The following HSD17B10 variants were observed in gnomAD, a reference collection of about 807,000 sequenced individuals.
HSD17B10 encodes hydroxysteroid 17-beta dehydrogenase 10.
For synonymous variants in HSD17B10, 90 were observed against 85.9 expected (o/e 1.05, Z -0.26); for missense variants, 87 against 219.4 (o/e 0.40, Z 3.81).
chrX:53,432,325 G>A lies in HSD17B10; in HGVS notation c.279C>T (p.Gly93=), dbSNP rs1556894661. 7 of 1,208,193 alleles carry A rather than the reference G, an allele frequency of 5.8e-6. No individual in the cohort carries two copies. The highest frequency in any genetic ancestry group is 3.5e-5 in the African/African-American group (2 of 57,104). The change falls in exon 3 of 6, where the codon GGC becomes GGT. Residue 93 remains glycine (G), a synonymous_variant. Transcript: ENST00000168216. ...GRVDVAVNCA[G]IAVASKTYNL... The stretch of plus-strand genomic sequence containing the variant: ...TGTACGTCTTGCTAGCCACCGCGAT[G>A]CCTGCACAGTTGACAGCTACATCCA...
chrX:53,434,237 C>T, intron 1 of HSD17B10, 82 bp downstream of exon 1: 1 of 1,069,680 alleles, frequency 9.3e-7, no homozygotes, highest in Non-Finnish European at 1.3e-6. Flanking sequence ...TCCCTCGAAA[C>T]CGATCTCTTT....
Position 53,431,979 on chromosome X carries a change from C to T in HSD17B10, c.486+9G>A, listed in dbSNP as rs190913381. ...TTAGGAGGCATAAGTCTTACCCCTG[C>T]CCACACACCTGACCCTCGAAGGCAG... On this transcript the variant is annotated intron_variant, in intron 4 of 5. Coordinates refer to ENST00000168216, the MANE Select transcript of HSD17B10 (RefSeq NM_004493.3). 15 of 1,209,512 alleles carry T rather than the reference C, an allele frequency of 1.2e-5. No homozygotes were observed. The African/African-American group carries it at 1.8e-4, about 14-fold the overall frequency.
intron 1 of HSD17B10, 112 bp from the exon 2 acceptor site, chrX:53,433,998 T>C (rs1366177260): frequency 2.3e-6 from 2 of 869,984 alleles, no homozygotes; most frequent in Non-Finnish European, 3.3e-6. Flanking sequence ...GGAGAGGTCG[T>C]GGTCACCCCT....
chrX:53,432,688 A>G (rs949286033), intron 2 of HSD17B10: 25 of 336,097 alleles, frequency 7.4e-5, no homozygotes, highest in Non-Finnish European at 1.2e-4. Flanking sequence ...CGTCTCTACT[A>G]AAAATACAAA....
chrX:53,434,312 C>T lies in HSD17B10; in HGVS notation c.27+7G>A, dbSNP rs941613640. ...AAGGCAAGCAACAGAGGCAAAGAAC[C>T]TTCTACCTTCACGCTCCGACACGCT... is the stretch of plus-strand genomic sequence containing the variant. On this transcript the variant is annotated splice_region_variant and intron_variant, in intron 1 of 5. Transcript: ENST00000168216. The T allele has an allele frequency of 9.4e-6, 11 of 1,166,895 alleles. No individual in the cohort carries two copies. In the Admixed American group the frequency reaches 2.6e-4, roughly 27 times the overall value.
At chrX:53,431,708 C>G (rs1353367347) in intron 5 of HSD17B10, 90 bp downstream of exon 5, 1 of 1,016,780 alleles carries the variant, frequency 9.8e-7, no homozygotes, top group Non-Finnish European at 1.4e-6. Flanking sequence ...TAAAAGGCTG[C>G]TGCTGCTTAG....
intron 1 of HSD17B10, 33 bp downstream of exon 1, chrX:53,434,286 G>C (rs782755855): frequency 3.2e-5 from 37 of 1,162,465 alleles, no homozygotes; most frequent in Non-Finnish European, 3.8e-5. Context: ...GCCCGTAAAG[G>C]AAGGCAAGCA....
intron 1 of HSD17B10, 25 bp downstream of exon 1, chrX:53,434,294 G>A (rs934018976): frequency 1.7e-6 from 2 of 1,165,091 alleles, no homozygotes; most frequent in Non-Finnish European, 2.3e-6. Context: ...AGGAAGGCAA[G>A]CAACAGAGGC....
intron 1 of HSD17B10, 53 bp from the exon 2 acceptor site, chrX:53,433,939 C>T: frequency 8.7e-7 from 1 of 1,148,279 alleles, no homozygotes; most frequent in South Asian, 1.8e-5. Flanking sequence ...AGACCATCCC[C>T]ACGCTGTCGC....
rs1556894895 is a variant in HSD17B10, at chrX:53,433,711, AC to A, written c.192+10del. ...TGCACACCCTGGGAGAGGAGAGGTG[AC>A]CCCACTTACGTCGGCTGGGGCGAAA... On this transcript the variant is annotated intron_variant, in intron 2 of 5. Coordinates refer to ENST00000168216, the MANE Select transcript of HSD17B10 (RefSeq NM_004493.3). 1 of 1,199,118 alleles carries A rather than the reference AC, an allele frequency of 8.3e-7. No individual in the cohort carries two copies. Among genetic ancestry groups the A allele is most frequent in the African/African-American group, 1.7e-5 (1 of 57,701 alleles).
chrX:53,431,709 T>A, intron 5 of HSD17B10, 89 bp downstream of exon 5: 1 of 1,018,201 alleles, frequency 9.8e-7, no homozygotes, highest in Non-Finnish European at 1.4e-6. Context: ...AAAAGGCTGC[T>A]GCTGCTTAGG....
intron 2 of HSD17B10, 72 bp downstream of exon 2, chrX:53,433,650 C>T: frequency 9.8e-7 from 1 of 1,021,183 alleles, no homozygotes. Flanking sequence ...ATGGGAGGGA[C>T]CCCCACAGGT....
intron 2 of HSD17B10, chrX:53,433,022 C>G: frequency 7.5e-6 from 1 of 133,484 alleles, no homozygotes. Context: ...GGTGCAGTGG[C>G]TCACACCTGT....
intron 5 of HSD17B10, 73 bp downstream of exon 5, chrX:53,431,725 G>T: frequency 9.7e-7 from 1 of 1,032,618 alleles, no homozygotes; most frequent in Non-Finnish European, 1.3e-6. Flanking sequence ...TTAGGTGGTG[G>T]ATACCTTCCC....
chrX:53,433,495 G>T (rs2075833348), intron 2 of HSD17B10, among the ~76,000 whole-genome samples: 1 of 112,619 alleles, frequency 8.9e-6, no homozygotes, highest in Admixed American at 9.3e-5. Context: ...AACTCCTCCA[G>T]GAGATTGTTA....
intron 2 of HSD17B10, 96 bp downstream of exon 2, chrX:53,433,626 T>C (rs782060448): frequency 9.8e-5 from 83 of 846,906 alleles, no homozygotes; most frequent in Admixed American, 3.4e-4. Context: ...ACCGCCCCCA[T>C]AGAGGAGACC....
Position 53,431,387 on chromosome X carries a change from T to C in HSD17B10, c.*17A>G. 8.3e-7 allele frequency: 1 copy of C among 1,198,580 alleles called. No individual in the cohort carries two copies. Among genetic ancestry groups the C allele is most frequent in the Non-Finnish European group, 1.1e-6 (1 of 883,817 alleles). ...AAGGAAGGGCAGAGGAGCGTGTGTT[T>C]TCTCTGCCTTCTCCCTTCAAGGCTG... is the stretch of plus-strand genomic sequence containing the variant. On this transcript the variant is annotated 3_prime_UTR_variant, in exon 6 of 6. Transcript: ENST00000168216.
rs781827718 is a variant in HSD17B10 at position 53,431,976 on chromosome X, C to T, written c.486+12G>A. 1.6e-5 allele frequency: 19 copies of T among 1,211,645 alleles called. No individual in the cohort carries two copies. The South Asian group carries it at 1.8e-4, about 11-fold the overall frequency. On this transcript the variant is annotated intron_variant, in intron 4 of 5. Transcript: ENST00000168216. ...CACTTAGGAGGCATAAGTCTTACCC[C>T]TGCCCACACACCTGACCCTCGAAGG...
chrX:53,433,703 G>A lies in HSD17B10; in HGVS notation c.192+19C>T, dbSNP rs368358217. The A allele has an allele frequency of 4.6e-4, 546 of 1,194,859 alleles. 1 individual carries two copies. The highest frequency in any genetic ancestry group is 6.0e-4 in the Non-Finnish European group (530 of 886,130). ...TGACCTCATGCACACCCTGGGAGAGGAGAGGTGACCCCACTTACGTCGGCT... is the reference window on the plus strand; with the variant it reads ...TGACCTCATGCACACCCTGGGAGAGAAGAGGTGACCCCACTTACGTCGGCT... On this transcript the variant is annotated intron_variant, in intron 2 of 5. Transcript: ENST00000168216.
Sources: allele counts gnomAD v4.1 joint callset (sites outside exome capture counted in the v4.1 genomes callset), GRCh38; gene constraint gnomAD v4.1.1; transcripts MANE v1.5; gene names NCBI Gene and HGNC (gene_info 2026-07-23, HGNC 2026-07-21).